Variants in KCTD8 observed in about 807,000 individuals in gnomAD.
KCTD8 encodes BTB/POZ domain-containing protein KCTD8.
KCTD8 carries 27 observed loss-of-function variants against 31.5 expected under a neutral mutation model. That is an observed-to-expected ratio of 0.86 (90% CI 0.63 to 1.18). The LOEUF is 1.18. Ranked by LOEUF, KCTD8 falls within the 50% of genes most tolerant of loss-of-function variation. The pLI is 0.00. For missense variants in KCTD8, 658 were observed against 647.7 expected (o/e 1.02, Z -0.17); for synonymous variants, 290 against 280.0 (o/e 1.04, Z -0.36).
At chr4:44,189,148 T>C (rs925079860) in intron 1 of KCTD8, among the ~76,000 whole-genome samples, 1 of 152,210 alleles carries the variant, frequency 6.6e-6, no homozygotes, top group Non-Finnish European at 1.5e-5. Context: ...TATCGAATTA[T>C]CTTCCTGTTT....
At chr4:44,393,377 T>C (rs1344002661) in intron 1 of KCTD8, among the ~76,000 whole-genome samples, 3 of 152,000 alleles carry the variant, frequency 2.0e-5, no homozygotes, top group Non-Finnish European at 4.4e-5. Flanking sequence ...GTGTAAAGCA[T>C]TTAAAAACTA....
At chr4:44,198,470 C>T (rs1272793684) in intron 1 of KCTD8, among the ~76,000 whole-genome samples, 1 of 152,076 alleles carries the variant, frequency 6.6e-6, no homozygotes, top group Non-Finnish European at 1.5e-5. Context: ...TCAGCAGAAA[C>T]CTCACAAGTC....
intron 1 of KCTD8, among the ~76,000 whole-genome samples, chr4:44,422,920 ATGT>A (rs544029321): frequency 2.7e-4 from 41 of 152,092 alleles, no homozygotes; most frequent in African/African-American, 9.4e-4. Context: ...GCTGTTACTG[ATGT>A]TGTTGTTGGT....
intron 1 of KCTD8, among the ~76,000 whole-genome samples, chr4:44,183,811 G>T (rs1713500229): frequency 6.6e-6 from 1 of 152,012 alleles, no homozygotes; most frequent in African/African-American, 2.4e-5. Context: ...AACATGATAG[G>T]TATGTAAAAT....
intron 1 of KCTD8, among the ~76,000 whole-genome samples, chr4:44,339,247 G>A (rs934586899): frequency 6.6e-6 from 1 of 152,126 alleles, no homozygotes; most frequent in South Asian, 2.1e-4. Context: ...TGCAGCAGAA[G>A]AATCCCTCAA....
chr4:44,264,169 G>A (rs1716264547), intron 1 of KCTD8, among the ~76,000 whole-genome samples: 1 of 150,832 alleles, frequency 6.6e-6, no homozygotes, highest in African/African-American at 2.4e-5. Flanking sequence ...ACAAATAATT[G>A]TTATTAGTCC....
chr4:44,397,965 C>T (rs1177409283), intron 1 of KCTD8, among the ~76,000 whole-genome samples: 3 of 152,066 alleles, frequency 2.0e-5, no homozygotes, highest in African/African-American at 7.2e-5. Flanking sequence ...ATTAAATGTA[C>T]TATCCTTTTG....
chr4:44,175,270 AAG>A lies in KCTD8; in HGVS notation c.962-22_962-21del. The A allele has an allele frequency of 7.0e-7, 1 of 1,419,712 alleles. No homozygotes were observed. Among genetic ancestry groups the A allele is most frequent in the African/African-American group, 1.6e-5 (1 of 61,904 alleles). The allele number at this position is 1,419,712 out of a possible 1,614,324, so 87.9% of individuals were successfully genotyped here. A position where few individuals can be genotyped will look rare whatever the true frequency, so the allele number is the denominator to read the frequency against. ...GTGGTCCTAAAAAGGAGGAAAAAAA[AAG>A]AAGAAGAGTAGAACAGTTGAATAAG... On this transcript the variant is annotated intron_variant, in intron 1 of 1. Coordinates refer to ENST00000360029, the MANE Select transcript of KCTD8 (RefSeq NM_198353.3).
At chr4:44,258,907 T>G (rs1374879156) in intron 1 of KCTD8, among the ~76,000 whole-genome samples, 2 of 151,868 alleles carry the variant, frequency 1.3e-5, no homozygotes, top group East Asian at 3.9e-4. Context: ...TTTCTTCATC[T>G]GTAAAATGGG....
intron 1 of KCTD8, among the ~76,000 whole-genome samples, chr4:44,241,238 T>A (rs565113564): frequency 6.6e-6 from 1 of 152,226 alleles, no homozygotes; most frequent in Admixed American, 6.5e-5. Flanking sequence ...CTGGTACACT[T>A]CATAAAAATT....
At position 44,400,728 on chromosome 4, in the gene KCTD8, C is replaced by CAAA. The variant is rs34000545; in HGVS notation, c.961+46832_961+46834dup. Among the ~76,000 whole-genome samples, 86 of 100,012 alleles carry CAAA rather than the reference C, an allele frequency of 8.6e-4. 1 individual carries two copies. The highest frequency in any genetic ancestry group is 2.7e-3 in the African/African-American group (66 of 24,740). 65.6% of individuals were successfully genotyped at this position (100,012 alleles called of 152,430 possible). On this transcript the variant is annotated intron_variant, in intron 1 of 1. Transcript: ENST00000360029. The stretch of plus-strand genomic sequence containing the variant: ...TGGGGGACAGAATGAGACTCTGTCT[C>CAAA]AAAAAAAAAAAAAAAAAAAAATTAG...
chr4:44,376,479 ATTT>A lies in KCTD8; in HGVS notation c.961+71081_961+71083del, dbSNP rs1289828346. 3.9e-5 allele frequency among the ~76,000 whole-genome samples: 6 copies of A among 152,290 alleles called. No individual in the cohort carries two copies. The East Asian group carries it at 1.2e-3, about 29-fold the overall frequency. On this transcript the variant is annotated intron_variant, in intron 1 of 1. Coordinates refer to ENST00000360029, the MANE Select transcript of KCTD8 (RefSeq NM_198353.3). ...TGCACTTTGAACCTGAGGGAACTTC[ATTT>A]ATAAAGTTTATTTTCTTTAGCCTTA...
intron 1 of KCTD8, among the ~76,000 whole-genome samples, chr4:44,419,901 A>G (rs1168107144): frequency 1.3e-5 from 2 of 152,154 alleles, no homozygotes; most frequent in Non-Finnish European, 2.9e-5. Context: ...GAACCTTTCA[A>G]GCTACCTTTC....
intron 1 of KCTD8, among the ~76,000 whole-genome samples, chr4:44,421,488 AC>A (rs1488199898): frequency 2.0e-5 from 3 of 152,088 alleles, no homozygotes; most frequent in Admixed American, 6.6e-5. Context: ...AGACATATGA[AC>A]CTTTTAACAA....
chr4:44,411,839 T>C (rs1334415171), intron 1 of KCTD8, among the ~76,000 whole-genome samples: 1 of 152,038 alleles, frequency 6.6e-6, no homozygotes, highest in Non-Finnish European at 1.5e-5. Context: ...CACCAGCAGC[T>C]AGGAAGAGGC....
chr4:44,313,098 C>T (rs768547122), intron 1 of KCTD8, among the ~76,000 whole-genome samples: 1 of 152,116 alleles, frequency 6.6e-6, no homozygotes, highest in African/African-American at 2.4e-5. Context: ...CCTTGGTGTG[C>T]CCTGCTGTGC....
chr4:44,223,224 G>C (rs892490018), intron 1 of KCTD8, among the ~76,000 whole-genome samples: 4 of 152,166 alleles, frequency 2.6e-5, no homozygotes, highest in African/African-American at 9.7e-5. Context: ...GGGGACAAGA[G>C]CGGCTCAGGA....
At chr4:44,425,769 T>A (rs16856912) in intron 1 of KCTD8, among the ~76,000 whole-genome samples, 6 of 151,878 alleles carry the variant, frequency 4.0e-5, no homozygotes, top group Non-Finnish European at 8.8e-5. Context: ...ACGCAATCTA[T>A]CCATCATTAT....
intron 1 of KCTD8, among the ~76,000 whole-genome samples, chr4:44,237,454 G>A (rs953273069): frequency 6.6e-6 from 1 of 152,156 alleles, no homozygotes; most frequent in Non-Finnish European, 1.5e-5. Context: ...ATGGAGTTGA[G>A]TGGCCTGTAG....
Sources: gnomAD v4.1 joint callset for allele counts (sites outside exome capture counted in the v4.1 genomes callset) on GRCh38, gnomAD v4.1.1 for gene constraint, MANE v1.5 for transcripts, NCBI Gene and HGNC (gene_info 2026-07-23, HGNC 2026-07-21) for gene names.